MAPKBP1: variants seen among roughly 807,000 people sequenced by gnomAD.
MAPKBP1 encodes mitogen-activated protein kinase-binding protein 1.
MAPKBP1 carries 71 observed loss-of-function variants against 170.5 expected under a neutral mutation model. The ratio of observed to expected loss-of-function variants is 0.42; its 90% CI spans 0.34 to 0.51. MAPKBP1 has a LOEUF of 0.51. MAPKBP1 is among the 20% of genes least tolerant of loss of function. The probability of loss-of-function intolerance (pLI) is 0.06; values close to 1 mark genes in which losing one functional copy is unlikely to be tolerated. For synonymous variants in MAPKBP1, 719 were observed against 757.9 expected (o/e 0.95, Z 0.84); for missense variants, 1,598 against 1,933.0 (o/e 0.83, Z 3.25).
Position 41,812,954 on chromosome 15 carries a change from G to T in MAPKBP1, c.672G>T (p.Gly224=), listed in dbSNP as rs1471000951. The T allele has an allele frequency of 1.9e-6, 3 of 1,611,602 alleles. No individual in the cohort carries two copies. Among genetic ancestry groups the T allele is most frequent in the Non-Finnish European group, 2.5e-6 (3 of 1,178,692 alleles). The part of the protein sequence containing the change: ...NATVPLLGRS[G]LLGELRNNLF... ...CTGTGCCCTTGCTGGGCCGCTCAGG[G>T]CTGCTGGGAGAGCTACGGAACAACC... The change falls in exon 8 of 31, where the codon GGG becomes GGT. Residue 224 remains glycine, a synonymous_variant. Coordinates refer to ENST00000457542, the MANE Select transcript of MAPKBP1 (RefSeq NM_014994.3).
In MAPKBP1 at chr15:41,823,764, G is replaced by A; in HGVS notation, c.3916G>A (p.Ala1306Thr). The A allele has an allele frequency of 6.2e-7, 1 of 1,614,124 alleles. No homozygotes were observed. Among genetic ancestry groups the A allele is most frequent in the Non-Finnish European group, 8.5e-7 (1 of 1,180,020 alleles). The change falls in exon 29 of 31, where the codon GCA (alanine) becomes ACA (threonine). Residue 1306 changes from alanine (A) to threonine (T), a missense_variant. Ala to Thr is a moderately conservative substitution (Grantham distance 58, BLOSUM62 0). This residue lies in a region of MAPKBP1 where 942 missense variants were observed against 953.2 expected (regional missense o/e 0.99). Transcript: ENST00000457542. ...KPLPDRPTLA[A>T]FSPVTKGRAP... The stretch of plus-strand genomic sequence containing the variant: ...ACTGCCTGACCGTCCTACCCTGGCT[G>A]CATTCTCTCCTGTCACCAAAGGCCG...
At chr15:41,793,907 A>G (rs2064438462) in intron 2 of MAPKBP1, among the ~76,000 whole-genome samples, 1 of 152,208 alleles carries the variant, frequency 6.6e-6, no homozygotes, top group South Asian at 2.1e-4. Context: ...ATGTAGCTGC[A>G]TAAGGACAGA....
Position 41,814,750 on chromosome 15 carries a change from T to G in MAPKBP1, c.1170+11T>G, listed in dbSNP as rs897906837. On this transcript the variant is annotated intron_variant, in intron 10 of 30. Transcript: ENST00000457542. Reference sequence around the variant, plus strand: ...GTCTGGAGTGTGGAGGTATGTGGGCTGGCTGGCTGGCTGGAGACTGGCCAG... The same window carrying G: ...GTCTGGAGTGTGGAGGTATGTGGGCGGGCTGGCTGGCTGGAGACTGGCCAG... 1.0e-4 allele frequency: 165 copies of G among 1,610,398 alleles called. No homozygotes were observed. The highest frequency in any genetic ancestry group is 1.4e-4 in the Non-Finnish European group (162 of 1,177,306).
intron 12 of MAPKBP1, chr15:41,816,211 G>A: frequency 5.5e-6 from 2 of 366,010 alleles, no homozygotes; most frequent in Non-Finnish European, 1.0e-5. Flanking sequence ...GACCACAGAA[G>A]TCTAAGGAGA....
At chr15:41,822,188 G>A (rs1448340282) in intron 25 of MAPKBP1, 37 bp from the exon 26 acceptor site, 2 of 1,606,270 alleles carry the variant, frequency 1.2e-6, no homozygotes, top group South Asian at 1.1e-5. Context: ...CAACAGATGG[G>A]TGCAGTGCGA....
intron 30 of MAPKBP1, among the ~76,000 whole-genome samples, chr15:41,824,813 A>G (rs1245244253): frequency 6.6e-6 from 1 of 151,944 alleles, no homozygotes; most frequent in East Asian, 1.9e-4. Context: ...AAGAGACCAC[A>G]CCTCCTAGTT....
In MAPKBP1 at chr15:41,824,491, G is replaced by T; in HGVS notation, c.4221G>T (p.Ala1407=). Residue 1407 remains alanine (A), a synonymous_variant, in exon 30 of 31, where the codon GCG becomes GCT. Transcript: ENST00000457542. ...TGTATCCGTCTCTTTCAGAGCCAGC[G>T]GTGAGCCTGGAGCAGTGTGAGCAGC... ...GAALSQDSEP[A]VSLEQCEQLV... The T allele has an allele frequency of 6.3e-7, 1 of 1,596,502 alleles. No homozygotes were observed.
chr15:41,787,689 C>T (rs1369898260), intron 2 of MAPKBP1, among the ~76,000 whole-genome samples: 1 of 151,878 alleles, frequency 6.6e-6, no homozygotes, highest in East Asian at 1.9e-4. Context: ...TTAATTATAA[C>T]TTAGGTCAGA....
chr15:41,810,805 G>A, intron 3 of MAPKBP1, 78 bp from the exon 4 acceptor site: 3 of 1,193,678 alleles, frequency 2.5e-6, no homozygotes, highest in Admixed American at 3.6e-5. Context: ...CCGGGTGACT[G>A]GAAGTCCTGG....
chr15:41,808,105 C>CTTTTTTTTTTTTT (rs544983500), intron 3 of MAPKBP1, among the ~76,000 whole-genome samples: 25 of 109,456 alleles, frequency 2.3e-4, no homozygotes, highest in South Asian at 6.2e-4. Context: ...TTCTTTCTTT[C>CTTTTTTTTTTTTT]TTTTTTTTTT....
chr15:41,801,634 G>A (rs1279367593), intron 3 of MAPKBP1, among the ~76,000 whole-genome samples: 1 of 152,164 alleles, frequency 6.6e-6, no homozygotes, highest in Non-Finnish European at 1.5e-5. Context: ...GATCACTTGA[G>A]GTCAGGAGTT....
chr15:41,821,573 T>C lies in MAPKBP1; in HGVS notation c.2719-11T>C, dbSNP rs1567155075. On this transcript the variant is annotated splice_polypyrimidine_tract_variant and intron_variant, in intron 23 of 30. Transcript: ENST00000457542. ...CCTCTGCTCTGTTAACATCCCTTTGTGTGTTCCCAGAATGAAAAGCCCCCT... is the reference window on the plus strand; with the variant it reads ...CCTCTGCTCTGTTAACATCCCTTTGCGTGTTCCCAGAATGAAAAGCCCCCT... The C allele has an allele frequency of 6.2e-7, 1 of 1,609,126 alleles. No individual in the cohort carries two copies. Among genetic ancestry groups the C allele is most frequent in the Non-Finnish European group, 8.5e-7 (1 of 1,177,648 alleles).
intron 8 of MAPKBP1, 184 bp downstream of exon 8, chr15:41,813,285 C>T: frequency 6.5e-7 from 1 of 1,527,614 alleles, no homozygotes; most frequent in Non-Finnish European, 9.1e-7. Context: ...ACTGCCTCCT[C>T]TCTGCTCTTT....
At position 41,825,461 on chromosome 15, in the gene MAPKBP1, A is replaced by G. The variant is rs1318394993; in HGVS notation, c.*25A>G. ...AGTTCTGGAAGCCTGTCCCAAGTGA[A>G]TGAATGCTCCAGCGATTCCAAACTG... On this transcript the variant is annotated 3_prime_UTR_variant, in exon 31 of 31. Coordinates refer to ENST00000457542, the MANE Select transcript of MAPKBP1 (RefSeq NM_014994.3). 1.9e-6 allele frequency: 3 copies of G among 1,567,198 alleles called. No homozygotes were observed. Among genetic ancestry groups the G allele is most frequent in the Non-Finnish European group, 2.6e-6 (3 of 1,149,514 alleles).
At chr15:41,816,360 AC>A (rs761537267) in intron 12 of MAPKBP1, 198 bp from the exon 13 acceptor site, 95 of 562,656 alleles carry the variant, frequency 1.7e-4, no homozygotes, top group Non-Finnish European at 2.7e-4. Flanking sequence ...TGATAATTGC[AC>A]TATCGTTATG....
intron 21 of MAPKBP1, 65 bp from the exon 22 acceptor site, chr15:41,819,530 G>A (rs1004715085): frequency 6.7e-7 from 1 of 1,496,164 alleles, no homozygotes; most frequent in African/African-American, 1.6e-5. Flanking sequence ...TGGGGCCAGG[G>A]CTCCAGGGTT....
rs758583692 is a variant in MAPKBP1 at position 41,823,749 on chromosome 15, C to T, written c.3901C>T (p.Arg1301Cys). 23 of 1,614,144 alleles carry T rather than the reference C, an allele frequency of 1.4e-5. No homozygotes were observed. The highest frequency in any genetic ancestry group is 1.1e-4 in the East Asian group (5 of 44,878). ...VLDIPKPLPD[R>C]PTLAAFSPVT... is the part of the protein sequence containing the mutation. Reference sequence around the variant, plus strand: ...GGACATCCCCAAACCACTGCCTGACCGTCCTACCCTGGCTGCATTCTCTCC... The same window carrying T: ...GGACATCCCCAAACCACTGCCTGACTGTCCTACCCTGGCTGCATTCTCTCC... Residue 1301 changes from arginine to cysteine, a missense_variant, in exon 29 of 31, where the codon CGT becomes TGT. By Grantham distance (180) the Arg-to-Cys change is radical. Transcript: ENST00000457542.
rs770675488 is a variant in MAPKBP1 at position 41,812,969 on chromosome 15, A to G, written c.687A>G (p.Leu229=). The G allele has an allele frequency of 9.9e-6, 16 of 1,613,248 alleles. No individual in the cohort carries two copies. The Admixed American group carries it at 1.0e-4, about 10-fold the overall frequency. The part of the protein sequence containing the change: ...LLGRSGLLGE[L]RNNLFTDVAC... ...GCCGCTCAGGGCTGCTGGGAGAGCT[A>G]CGGAACAACCTATTCACTGATGTGG... is the stretch of plus-strand genomic sequence containing the variant. Residue 229 remains leucine (L), a synonymous_variant, in exon 8 of 31, where the codon CTA becomes CTG. Transcript: ENST00000457542.
rs918015678 is a variant in MAPKBP1, at chr15:41,826,020, T to C, written c.*584T>C. 1 of 152,742 alleles carries C rather than the reference T, an allele frequency of 6.5e-6. No individual in the cohort carries two copies. Among genetic ancestry groups the C allele is most frequent in the South Asian group, 2.1e-4 (1 of 4,842 alleles). 9.5% of individuals were successfully genotyped at this position (152,742 alleles called of 1,614,324 possible). On this transcript the variant is annotated 3_prime_UTR_variant, in exon 31 of 31. Coordinates refer to ENST00000457542, the MANE Select transcript of MAPKBP1 (RefSeq NM_014994.3). ...GGGTGTCCCCAGCCATCAGGAGACT[T>C]GAGTTGGTATTTGGACCTGAGCCCG...
Sources: allele counts gnomAD v4.1 joint callset (sites outside exome capture counted in the v4.1 genomes callset), GRCh38; gene constraint gnomAD v4.1.1; regional missense constraint gnomAD v4.1.1; transcripts MANE v1.5; gene names NCBI Gene and HGNC (gene_info 2026-07-23, HGNC 2026-07-21).